Variants in FARP1 observed in about 807,000 individuals in gnomAD.
FARP1 encodes the protein FERM, ARH/RhoGEF and pleckstrin domain protein 1, also known as FERM, ARHGEF and pleckstrin domain-containing protein 1.
A neutral mutation model predicts 128.8 loss-of-function variants in FARP1; 52 were observed. The observed-to-expected ratio is 0.40, with a 90% confidence interval of 0.32 to 0.51. FARP1 has a LOEUF of 0.51. Ranked by LOEUF, FARP1 falls within the 20% of genes least tolerant of loss-of-function variation. The probability of loss-of-function intolerance (pLI) is 0.45; values close to 1 mark genes in which losing one functional copy is unlikely to be tolerated. For missense variants in FARP1, 1,333 were observed against 1,367.9 expected (o/e 0.97, Z 0.40); for synonymous variants, 580 against 551.8 (o/e 1.05, Z -0.72).
intron 2 of FARP1, among the ~76,000 whole-genome samples, chr13:98,313,260 C>CACAT (rs1291523615): frequency 1.3e-5 from 2 of 150,782 alleles, no homozygotes; most frequent in Non-Finnish European, 3.0e-5. Context: ...CACACACACA[C>CACAT]ACACACACAC....
chr13:98,213,092 C>T (rs1594277941), intron 1 of FARP1, 128 bp from the exon 2 acceptor site: 2 of 603,622 alleles, frequency 3.3e-6, no homozygotes, highest in East Asian at 2.9e-5. Flanking sequence ...GAACCGATGC[C>T]TCCCTATATG....
chr13:98,436,475 C>T (rs1892274517), intron 19 of FARP1, among the ~76,000 whole-genome samples: 1 of 152,204 alleles, frequency 6.6e-6, no homozygotes, highest in South Asian at 2.1e-4. Context: ...GCTACGTCAC[C>T]CAGGTCGAGA....
At chr13:98,296,090 G>A (rs1885672079) in intron 2 of FARP1, among the ~76,000 whole-genome samples, 1 of 152,122 alleles carries the variant, frequency 6.6e-6, no homozygotes, top group Non-Finnish European at 1.5e-5. Flanking sequence ...AGAGCTTTGG[G>A]GATGAGACCC....
chr13:98,257,574 C>T (rs887690643), intron 2 of FARP1, among the ~76,000 whole-genome samples: 10 of 152,108 alleles, frequency 6.6e-5, no homozygotes, highest in African/African-American at 2.4e-4. Flanking sequence ...AATTTGAGAC[C>T]AGCCTGACCA....
intron 17 of FARP1, among the ~76,000 whole-genome samples, chr13:98,424,905 T>TC (rs1055900467): frequency 3.3e-5 from 5 of 151,372 alleles, no homozygotes; most frequent in East Asian, 1.9e-4. Flanking sequence ...TTTTTTTTTT[T>TC]CTTTGCTCAT....
chr13:98,370,741 A>G (rs1435775028), intron 5 of FARP1, among the ~76,000 whole-genome samples: 2 of 152,238 alleles, frequency 1.3e-5, no homozygotes, highest in East Asian at 3.9e-4. Flanking sequence ...AGATACAGGA[A>G]TGTGCAGCTC....
At chr13:98,435,959 C>T (rs1267566498) in intron 19 of FARP1, 4 of 547,308 alleles carry the variant, frequency 7.3e-6, no homozygotes, top group Non-Finnish European at 1.4e-5. Context: ...TTACCTTTTC[C>T]CCTACCATAT....
chr13:98,219,430 C>T (rs1348304006), intron 2 of FARP1, among the ~76,000 whole-genome samples: 3 of 151,888 alleles, frequency 2.0e-5, no homozygotes, highest in Non-Finnish European at 2.9e-5. Flanking sequence ...TCATAGCTCA[C>T]TGCAGCCTCA....
chr13:98,251,047 G>C (rs1029464184), intron 2 of FARP1, among the ~76,000 whole-genome samples: 1 of 152,154 alleles, frequency 6.6e-6, no homozygotes, highest in Non-Finnish European at 1.5e-5. Context: ...ATGAACTTGT[G>C]AATACATAAA....
rs893459871 is a variant in FARP1, at chr13:98,451,600, G to A, written c.*3283G>A. 2.0e-5 allele frequency: 3 copies of A among 152,094 alleles called. No individual in the cohort carries two copies. The highest frequency in any genetic ancestry group is 7.2e-5 in the African/African-American group (3 of 41,392). 9.4% of individuals were successfully genotyped at this position (152,094 alleles called of 1,614,324 possible). ...CTCTGTCCCCTCCCTATAGCTTAGA[G>A]GCCACTAGACCAGCAGATAGCTGAG... On this transcript the variant is annotated 3_prime_UTR_variant, in exon 27 of 27. Coordinates refer to ENST00000319562, the MANE Select transcript of FARP1 (RefSeq NM_005766.4).
chr13:98,414,157 C>A (rs1566302978), intron 16 of FARP1, among the ~76,000 whole-genome samples: 1 of 152,144 alleles, frequency 6.6e-6, no homozygotes, highest in Non-Finnish European at 1.5e-5. Context: ...TAGTGAGTTG[C>A]TTAAAAAGCA....
intron 1 of FARP1, among the ~76,000 whole-genome samples, chr13:98,161,073 C>G (rs2139128646): frequency 6.6e-6 from 1 of 152,180 alleles, no homozygotes; most frequent in African/African-American, 2.4e-5. Context: ...TTCCCCTATG[C>G]CCTCCTGCTG....
intron 2 of FARP1, among the ~76,000 whole-genome samples, chr13:98,214,743 A>G (rs1880958891): frequency 6.6e-6 from 1 of 152,282 alleles, no homozygotes; most frequent in South Asian, 2.1e-4. Flanking sequence ...TGGAATTTGT[A>G]TCTTTCAAGG....
rs1892498798 is a variant in FARP1 at position 98,440,943 on chromosome 13, C to T, written c.2796+107C>T. ...GAGGGAGGCTGGGACTGTGGGTGGC[C>T]CCACCTACCCGCGGTGGCTGAGCAG... is the stretch of plus-strand genomic sequence containing the variant. On this transcript the variant is annotated intron_variant, in intron 24 of 26. Coordinates refer to ENST00000319562, the MANE Select transcript of FARP1 (RefSeq NM_005766.4). 3.6e-6 allele frequency: 4 copies of T among 1,125,516 alleles called. No individual in the cohort carries two copies. The South Asian group carries it at 4.2e-5, about 12-fold the overall frequency. 69.7% of individuals were successfully genotyped at this position (1,125,516 alleles called of 1,614,324 possible).
chr13:98,440,636 G>C, intron 23 of FARP1, 34 bp from the exon 24 acceptor site: 1 of 1,590,078 alleles, frequency 6.3e-7, no homozygotes, highest in Non-Finnish European at 8.6e-7. Context: ...TGGGAGGAAA[G>C]ATCAGAAGTG....
chr13:98,361,503 T>G (rs1888871214), intron 3 of FARP1, among the ~76,000 whole-genome samples: 1 of 152,148 alleles, frequency 6.6e-6, no homozygotes, highest in Non-Finnish European at 1.5e-5. Flanking sequence ...TTGCAGAAGT[T>G]TAGGCTGGTT....
At chr13:98,207,194 A>G (rs1380869054) in intron 1 of FARP1, among the ~76,000 whole-genome samples, 2 of 152,228 alleles carry the variant, frequency 1.3e-5, no homozygotes, top group East Asian at 1.9e-4. Flanking sequence ...GCATGCAAGT[A>G]TGATAACAGA....
intron 17 of FARP1, among the ~76,000 whole-genome samples, chr13:98,426,629 T>TTGG (rs1891799203): frequency 1.3e-5 from 2 of 152,208 alleles, no homozygotes; most frequent in Admixed American, 6.5e-5. Context: ...AAGACCACGG[T>TTGG]AACATTGACT....
intron 2 of FARP1, among the ~76,000 whole-genome samples, chr13:98,284,519 G>T (rs916094856): frequency 6.6e-6 from 1 of 152,136 alleles, no homozygotes. Context: ...ACTGGCTTCA[G>T]CAGACACATA....
Sources: gnomAD v4.1 joint callset for allele counts (sites outside exome capture counted in the v4.1 genomes callset) on GRCh38, gnomAD v4.1.1 for gene constraint, MANE v1.5 for transcripts, NCBI Gene and HGNC (gene_info 2026-07-23, HGNC 2026-07-21) for gene names.